PMS2: variants seen among roughly 807,000 people sequenced by gnomAD.
The protein encoded by PMS2 is PMS1 homolog 2, mismatch repair system component.
PMS2 carries 69 observed loss-of-function variants against 90.0 expected under a neutral mutation model. The observed-to-expected ratio is 0.77, with a 90% CI of 0.63 to 0.94. The LOEUF is 0.94. Ranked by LOEUF, PMS2 falls within the 40% of genes least tolerant of loss-of-function variation. The pLI, the probability that PMS2 is intolerant of heterozygous loss-of-function variation, is 0.00. For synonymous variants in PMS2, 332 were observed against 375.1 expected, an observed-to-expected ratio of 0.89 and a Z score of 1.33; for missense variants, 966 against 1,040.2, an observed-to-expected ratio of 0.93 and a Z score of 0.98.
intron 8 of PMS2, among the ~76,000 whole-genome samples, chr7:5,994,249 C>T (rs1025051186): frequency 1.3e-5 from 2 of 151,472 alleles, no homozygotes; most frequent in Admixed American, 6.6e-5. Flanking sequence ...GGCGTGGTGG[C>T]GCGCGCCTGT....
chr7:5,991,790 G>C (rs1783760671), intron 9 of PMS2, among the ~76,000 whole-genome samples, 183 bp downstream of exon 9: 1 of 151,860 alleles, frequency 6.6e-6, no homozygotes, highest in African/African-American at 2.4e-5. Context: ...AGTGAGCCGA[G>C]ATCACGCCAC....
intron 10 of PMS2, among the ~76,000 whole-genome samples, chr7:5,987,913 G>T (rs1414289451): frequency 6.6e-6 from 1 of 151,716 alleles, no homozygotes; most frequent in Non-Finnish European, 1.5e-5. Flanking sequence ...AAATTAGCCG[G>T]GTGTGGTGGC....
intron 5 of PMS2, 89 bp from the exon 6 acceptor site, chr7:5,999,364 C>T: frequency 8.8e-7 from 1 of 1,132,630 alleles, no homozygotes; most frequent in Non-Finnish European, 1.3e-6. Context: ...ACGCAAGGTT[C>T]TCACATCATC....
At chr7:5,992,891 A>G (rs1783925923) in intron 8 of PMS2, among the ~76,000 whole-genome samples, 1 of 152,250 alleles carries the variant, frequency 6.6e-6, no homozygotes, top group Non-Finnish European at 1.5e-5. Flanking sequence ...TGCAGCTTAA[A>G]TGTTCATAAA....
At chr7:5,994,556 G>A (rs982000776) in intron 8 of PMS2, among the ~76,000 whole-genome samples, 11 of 151,848 alleles carry the variant, frequency 7.2e-5, no homozygotes, top group African/African-American at 2.2e-4. Context: ...GGCGGATCAC[G>A]AGGTCAGGAG....
chr7:6,006,643 A>C (rs1367087976), intron 1 of PMS2, among the ~76,000 whole-genome samples: 1 of 152,068 alleles, frequency 6.6e-6, no homozygotes, highest in Admixed American at 6.6e-5. Flanking sequence ...ACGAGCAAAA[A>C]AAAAAATGAA....
rs1426242773 is a variant in PMS2, at chr7:6,002,510, C to T, written c.480G>A (p.Gln160=). ...PRPRGTTVSV[Q]QLFSTLPVRH... ...GCACAGGTAGTGTGGAAAATAACTG[C>T]TGCACGCTGACTGTGGTCCCTCTGG... Residue 160 remains glutamine (Q), a synonymous_variant, in exon 5 of 15, where the codon CAG becomes CAA. Coordinates refer to ENST00000265849, the MANE Select transcript of PMS2 (RefSeq NM_000535.7). 2 of 1,611,740 alleles carry T rather than the reference C, an allele frequency of 1.2e-6. No individual in the cohort carries two copies. Among genetic ancestry groups the T allele is most frequent in the Non-Finnish European group, 1.7e-6 (2 of 1,179,640 alleles).
At chr7:5,993,327 C>T (rs143372364) in intron 8 of PMS2, among the ~76,000 whole-genome samples, 75 of 131,622 alleles carry the variant, frequency 5.7e-4, no homozygotes, top group Admixed American at 1.9e-3. Flanking sequence ...GCCAAGATCA[C>T]GTCACTGCAC....
In PMS2 at chr7:5,978,194, T is replaced by G; in HGVS notation, c.2275+402A>C. ...TTTTTGGAGGAACTTTTTAATCTTT[T>G]ATAAAATTAAAAAAAACTGGTCTAT... is the stretch of plus-strand genomic sequence containing the variant. On this transcript the variant is annotated intron_variant, in intron 13 of 14. Coordinates refer to ENST00000265849, the MANE Select transcript of PMS2 (RefSeq NM_000535.7). 1.3e-5 allele frequency among the ~76,000 whole-genome samples: 2 copies of G among 150,530 alleles called. 1 individual carries two copies. The highest frequency in any genetic ancestry group is 3.0e-5 in the Non-Finnish European group (2 of 67,498).
In PMS2 at chr7:5,989,899, T is replaced by C. The variant is rs765897167; in HGVS notation, c.1045A>G (p.Lys349Glu). ...DKRQILLQEE[K>E]LLLAVLKTSL... ...GTCTTTAAAACTGCCAACAAAAGCTTTTCCTCTTGTAGCAAAATTTGCCTT... is the reference window on the plus strand; with the variant it reads ...GTCTTTAAAACTGCCAACAAAAGCTCTTCCTCTTGTAGCAAAATTTGCCTT... The change falls in exon 10 of 15, where the codon AAG becomes GAG. Residue 349 changes from lysine to glutamate, a missense_variant. By Grantham distance (56) the Lys-to-Glu change is moderately conservative (BLOSUM62 1). Coordinates refer to ENST00000265849, the MANE Select transcript of PMS2 (RefSeq NM_000535.7). The C allele has an allele frequency of 1.2e-6, 2 of 1,612,142 alleles. No homozygotes were observed.
In PMS2 at chr7:5,995,669, G is replaced by C. The variant is rs376260117; in HGVS notation, c.804-36C>G. 18 of 1,353,022 alleles carry C rather than the reference G, an allele frequency of 1.3e-5. No individual in the cohort carries two copies. In the East Asian group the frequency reaches 1.8e-4, roughly 14 times the overall value. 83.8% of individuals were successfully genotyped at this position (1,353,022 alleles called of 1,614,324 possible). On this transcript the variant is annotated intron_variant, in intron 7 of 14. Transcript: ENST00000265849. ...TTAATATGGTAAGGGCAGGATTCCA[G>C]AGTGAAAGGGATTAGAAATACGATC...
Position 5,997,424 on chromosome 7 carries a change from C to T in PMS2, c.706-1G>A, listed in dbSNP as rs1202370194. 7.0e-7 allele frequency: 1 copy of T among 1,421,150 alleles called. No individual in the cohort carries two copies. Among genetic ancestry groups the T allele is most frequent in the African/African-American group, 1.7e-5 (1 of 59,154 alleles). The allele number at this position is 1,421,150 out of a possible 1,614,324, so 88.0% of individuals were successfully genotyped here. On this transcript the variant is annotated splice_acceptor_variant, in intron 6 of 14. Transcript: ENST00000265849. LOFTEE classifies it high-confidence loss of function. ...GAACAAAAGGAATGAGGCTTTGCAA[C>T]TGAAAAAAAAAAAAAAAAATTCACA...
intron 12 of PMS2, among the ~76,000 whole-genome samples, chr7:5,979,211 A>AAAC: frequency 7.0e-6 from 1 of 143,086 alleles, no homozygotes; most frequent in South Asian, 2.2e-4. Context: ...CAAAAAAAAA[A>AAAC]AAAAAAAAAA....
chr7:6,007,219 G>A (rs1785883856), intron 1 of PMS2, among the ~76,000 whole-genome samples: 1 of 151,940 alleles, frequency 6.6e-6, no homozygotes, highest in Non-Finnish European at 1.5e-5. Flanking sequence ...AGGTTCAAGC[G>A]ATTCTCCTAT....
intron 5 of PMS2, among the ~76,000 whole-genome samples, chr7:6,001,524 C>A (rs566666396): frequency 6.6e-6 from 1 of 152,104 alleles, no homozygotes; most frequent in Non-Finnish European, 1.5e-5. Flanking sequence ...GCACATGCCA[C>A]CATGCCCAGC....
Position 6,003,992 on chromosome 7 carries a change from T to G in PMS2, c.230A>C (p.Glu77Ala), listed in dbSNP as rs777095030. 56 of 1,603,160 alleles carry G rather than the reference T, an allele frequency of 3.5e-5. 1 individual carries two copies. The South Asian group carries it at 5.9e-4, about 17-fold the overall frequency. ...EVSDNGCGVE[E>A]ENFEGLTLKH... ...CTTACTTAAGCCTTCGAAGTTTTCT[T>G]CTTCTACCCCACATCCATTGTCTGA... Residue 77 changes from glutamate (E) to alanine (A), a missense_variant, in exon 3 of 15, where the codon GAA (glutamate) becomes GCA (alanine). By Grantham distance (107) the Glu-to-Ala change is moderately radical. Coordinates refer to ENST00000265849, the MANE Select transcript of PMS2 (RefSeq NM_000535.7).
chr7:6,008,777 C>T (rs552740867), intron 1 of PMS2, among the ~76,000 whole-genome samples: 1 of 152,290 alleles, frequency 6.6e-6, no homozygotes, highest in African/African-American at 2.4e-5. Context: ...GAATCCTTTG[C>T]CCGCAGCCCA....
At chr7:6,006,794 CA>C (rs1785824190) in intron 1 of PMS2, among the ~76,000 whole-genome samples, 1 of 152,144 alleles carries the variant, frequency 6.6e-6, no homozygotes, top group Non-Finnish European at 1.5e-5. Flanking sequence ...TACCCCACTC[CA>C]AACTGAAGCT....
At chr7:6,006,829 C>T (rs1785827649) in intron 1 of PMS2, among the ~76,000 whole-genome samples, 1 of 152,112 alleles carries the variant, frequency 6.6e-6, no homozygotes, top group Admixed American at 6.6e-5. Context: ...TTAGCAAAGA[C>T]CCTCAAAGCT....
Sources: gnomAD v4.1 joint callset for allele counts (sites outside exome capture counted in the v4.1 genomes callset) on GRCh38, gnomAD v4.1.1 for gene constraint, MANE v1.5 for transcripts, NCBI Gene and HGNC (gene_info 2026-07-23, HGNC 2026-07-21) for gene names.